The following SGCZ variants were observed in gnomAD, a reference collection of about 807,000 sequenced individuals.
The protein encoded by SGCZ is zeta-sarcoglycan.
A neutral mutation model predicts 41.3 loss-of-function variants in SGCZ; 40 were observed. The ratio of observed to expected loss-of-function variants is 0.97; its 90% CI spans 0.75 to 1.26. SGCZ has a LOEUF of 1.26. SGCZ is among the 50% of genes most tolerant of loss of function. The pLI is 0.00. For synonymous variants in SGCZ, 206 were observed against 137.5 expected (o/e 1.50, Z -3.49); for missense variants, 552 against 369.8 (o/e 1.49, Z -4.04).
At chr8:14,238,558 G>A (rs1201935918) in intron 3 of SGCZ, among the ~76,000 whole-genome samples, 2 of 152,092 alleles carry the variant, frequency 1.3e-5, no homozygotes, top group Admixed American at 6.6e-5. Context: ...GTTGATTGAA[G>A]GACAATAACA....
At chr8:14,161,607 T>C (rs1585190673) in intron 5 of SGCZ, among the ~76,000 whole-genome samples, 1 of 152,328 alleles carries the variant, frequency 6.6e-6, no homozygotes, top group East Asian at 1.9e-4. Flanking sequence ...TTGTGGGTGT[T>C]TCTTTCATTC....
chr8:14,178,772 C>G (rs575574332), intron 4 of SGCZ, among the ~76,000 whole-genome samples: 3 of 152,142 alleles, frequency 2.0e-5, no homozygotes, highest in Non-Finnish European at 2.9e-5. Context: ...TACAGATAAA[C>G]TGTTAAAGAT....
chr8:14,382,147 G>A (rs934317601), intron 2 of SGCZ, among the ~76,000 whole-genome samples: 7 of 134,840 alleles, frequency 5.2e-5, no homozygotes, highest in African/African-American at 2.0e-4. Flanking sequence ...ACTGTTTGTG[G>A]AACAAATTTT....
intron 1 of SGCZ, among the ~76,000 whole-genome samples, chr8:14,669,023 T>A (rs1349596982): frequency 6.6e-6 from 1 of 151,940 alleles, no homozygotes; most frequent in Non-Finnish European, 1.5e-5. Flanking sequence ...TAACTAGAGT[T>A]ACAATATTGT....
intron 1 of SGCZ, among the ~76,000 whole-genome samples, chr8:15,016,961 C>T (rs757652074): frequency 2.0e-4 from 30 of 152,114 alleles, no homozygotes; most frequent in Non-Finnish European, 2.9e-4. Context: ...TCACTACCCT[C>T]CAAGTAGGAC....
intron 1 of SGCZ, among the ~76,000 whole-genome samples, chr8:14,864,237 A>G (rs940898489): frequency 6.6e-6 from 1 of 151,502 alleles, no homozygotes; most frequent in African/African-American, 2.4e-5. Flanking sequence ...CACCACTTAC[A>G]TGTTTCCTAT....
chr8:15,036,110 G>C (rs1220376276), intron 1 of SGCZ, among the ~76,000 whole-genome samples: 1 of 151,876 alleles, frequency 6.6e-6, no homozygotes, highest in African/African-American at 2.4e-5. Flanking sequence ...TCAGAAAAAA[G>C]AGAAAATTAT....
At chr8:15,182,285 T>C (rs1240031182) in intron 1 of SGCZ, among the ~76,000 whole-genome samples, 1 of 152,148 alleles carries the variant, frequency 6.6e-6, no homozygotes, top group African/African-American at 2.4e-5. Flanking sequence ...TAGATTAGCA[T>C]TATACTAAAT....
chr8:14,269,386 T>C (rs1462950262), intron 3 of SGCZ, among the ~76,000 whole-genome samples: 1 of 100,170 alleles, frequency 1.0e-5, no homozygotes, highest in African/African-American at 3.9e-5. Flanking sequence ...TCTAATTCCT[T>C]AGCATAAATT....
chr8:14,903,922 G>A (rs1273783044), intron 1 of SGCZ, among the ~76,000 whole-genome samples: 1 of 151,878 alleles, frequency 6.6e-6, no homozygotes, highest in East Asian at 1.9e-4. Flanking sequence ...CATTAAGAGG[G>A]TTAAAACATT....
chr8:14,470,537 T>C (rs1051064086), intron 2 of SGCZ, among the ~76,000 whole-genome samples: 1 of 152,094 alleles, frequency 6.6e-6, no homozygotes, highest in Non-Finnish European at 1.5e-5. Context: ...CCAGACCCAA[T>C]ATTCCTAACC....
chr8:14,581,959 TTCCACCTGC>T (rs1173653501), intron 1 of SGCZ, among the ~76,000 whole-genome samples: 5 of 152,122 alleles, frequency 3.3e-5, no homozygotes, highest in African/African-American at 1.2e-4. Context: ...ATGCTTCCCA[TTCCACCTGC>T]TCCACCTCTA....
chr8:14,362,412 C>A lies in SGCZ; in HGVS notation c.235-38208G>T, dbSNP rs543681759. 3.3e-5 allele frequency among the ~76,000 whole-genome samples: 5 copies of A among 152,304 alleles called. No homozygotes were observed. The South Asian group carries it at 1.0e-3, about 32-fold the overall frequency. ...CAAGCCTCAGCAATGGTGGACGCCC[C>A]AACGCCAGCCAAGCTCCAGCATCCC... On this transcript the variant is annotated intron_variant, in intron 2 of 7. Transcript: ENST00000382080.
intron 1 of SGCZ, among the ~76,000 whole-genome samples, chr8:14,618,580 T>A (rs975869122): frequency 6.6e-6 from 1 of 152,192 alleles, no homozygotes. Context: ...GCCTATGCAG[T>A]GTTTTGTACT....
intron 4 of SGCZ, among the ~76,000 whole-genome samples, chr8:14,230,767 G>A (rs201410960): frequency 8.2e-6 from 1 of 121,850 alleles, no homozygotes; most frequent in South Asian, 2.7e-4. Context: ...TGGTGGTGGT[G>A]GGGGGGTGGT....
At chr8:15,130,791 G>A (rs1368218398) in intron 1 of SGCZ, among the ~76,000 whole-genome samples, 1 of 152,104 alleles carries the variant, frequency 6.6e-6, no homozygotes, top group Non-Finnish European at 1.5e-5. Context: ...ATATGCCTAT[G>A]TTTTCTGAAT....
chr8:14,893,177 G>T (rs1035897852), intron 1 of SGCZ, among the ~76,000 whole-genome samples: 3 of 152,112 alleles, frequency 2.0e-5, no homozygotes, highest in Admixed American at 6.6e-5. Flanking sequence ...TCCAGTTGGG[G>T]TTCACAGAAA....
intron 1 of SGCZ, among the ~76,000 whole-genome samples, chr8:15,078,365 C>T (rs1805620811): frequency 6.6e-6 from 1 of 151,800 alleles, no homozygotes; most frequent in Admixed American, 6.6e-5. Context: ...CCTCTCTCTC[C>T]ATACCATACT....
At chr8:14,249,412 A>G (rs1315613806) in intron 3 of SGCZ, among the ~76,000 whole-genome samples, 1 of 152,116 alleles carries the variant, frequency 6.6e-6, no homozygotes, top group Non-Finnish European at 1.5e-5. Flanking sequence ...AATTCTTTAT[A>G]ATAAATCTCT....
Sources: gnomAD v4.1 joint callset for allele counts (sites outside exome capture counted in the v4.1 genomes callset) on GRCh38, gnomAD v4.1.1 for gene constraint, MANE v1.5 for transcripts, NCBI Gene and HGNC (gene_info 2026-07-23, HGNC 2026-07-21) for gene names.